Variants in FGGY observed in about 807,000 individuals in gnomAD.
FGGY encodes the protein FGGY carbohydrate kinase domain containing.
Under a neutral mutation model 71.3 loss-of-function variants are expected in FGGY, and 72 were observed. The ratio of observed to expected loss-of-function variants is 1.01; its 90% CI spans 0.84 to 1.23. The LOEUF is 1.23. Ranked by LOEUF, FGGY falls within the 50% of genes most tolerant of loss-of-function variation. The pLI is 0.00. For synonymous variants in FGGY, 251 were observed against 250.3 expected (o/e 1.00, Z -0.02); for missense variants, 668 against 682.3 (o/e 0.98, Z 0.23).
At chr1:59,690,752 T>A (rs1227502098) in intron 14 of FGGY, among the ~76,000 whole-genome samples, 1 of 152,230 alleles carries the variant, frequency 6.6e-6, no homozygotes, top group Non-Finnish European at 1.5e-5. Context: ...CTGTGACTAG[T>A]TACACAGAAA....
At chr1:59,314,275 A>T (rs12407897) in intron 1 of FGGY, among the ~76,000 whole-genome samples, 28,540 of 152,002 alleles carry the variant, frequency 0.19, 3,229 homozygotes, top group East Asian at 0.35. Context: ...TAATAAAAAA[A>T]TTTTTTTAAA....
chr1:59,698,016 CT>C (rs1190624645), intron 14 of FGGY, among the ~76,000 whole-genome samples: 2 of 151,946 alleles, frequency 1.3e-5, no homozygotes, highest in African/African-American at 2.4e-5. Flanking sequence ...AAAAGCATGT[CT>C]TTTTTTTCCT....
At chr1:59,466,813 C>G (rs1317174375) in intron 6 of FGGY, among the ~76,000 whole-genome samples, 1 of 152,188 alleles carries the variant, frequency 6.6e-6, no homozygotes, top group African/African-American at 2.4e-5. Context: ...GAGATACCAT[C>G]TCACACCAGT....
At chr1:59,704,568 C>T (rs2097738379) in intron 14 of FGGY, among the ~76,000 whole-genome samples, 1 of 151,962 alleles carries the variant, frequency 6.6e-6, no homozygotes, top group Admixed American at 6.6e-5. Context: ...AAAGAGATAA[C>T]TTTTTTTATC....
At position 59,643,493 on chromosome 1, in the gene FGGY, C is replaced by T. The variant is rs543811883; in HGVS notation, c.1221+5118C>T. 2.0e-5 allele frequency among the ~76,000 whole-genome samples: 3 copies of T among 152,190 alleles called. No individual in the cohort carries two copies. The South Asian group carries it at 6.2e-4, about 32-fold the overall frequency. On this transcript the variant is annotated intron_variant, in intron 11 of 15. Transcript: ENST00000303721. ...TATAGGCATGAAACACTGTTCCCAG[C>T]CAGAAATTTTGTTTCAAGGCATATC...
chr1:59,506,662 G>A (rs757514398), intron 6 of FGGY, among the ~76,000 whole-genome samples: 2 of 152,150 alleles, frequency 1.3e-5, no homozygotes, highest in Non-Finnish European at 2.9e-5. Context: ...AGCCAGCCGT[G>A]CTGGCGTGTG....
At chr1:59,608,995 A>G (rs1251898941) in intron 9 of FGGY, among the ~76,000 whole-genome samples, 1 of 152,226 alleles carries the variant, frequency 6.6e-6, no homozygotes, top group Non-Finnish European at 1.5e-5. Context: ...TAACAGAAGT[A>G]CACGGTACAG....
chr1:59,499,901 A>T (rs935674207), intron 6 of FGGY, among the ~76,000 whole-genome samples: 2 of 152,050 alleles, frequency 1.3e-5, no homozygotes, highest in African/African-American at 4.8e-5. Context: ...ACTCTCTTTT[A>T]TTCATGTATA....
At chr1:59,488,467 T>C (rs1163645856) in intron 6 of FGGY, among the ~76,000 whole-genome samples, 2 of 149,568 alleles carry the variant, frequency 1.3e-5, no homozygotes, top group Non-Finnish European at 3.0e-5. Flanking sequence ...GTATATTTTC[T>C]GTCTTTTTGA....
intron 5 of FGGY, among the ~76,000 whole-genome samples, chr1:59,410,513 G>A (rs780924605): frequency 2.6e-5 from 4 of 152,134 alleles, no homozygotes; most frequent in Non-Finnish European, 5.9e-5. Flanking sequence ...GTATCCCTGG[G>A]GGCACATGTG....
rs1270779503 is a variant in FGGY, at chr1:59,629,728, A to G, written c.1073+3679A>G. On this transcript the variant is annotated intron_variant, in intron 10 of 15. Transcript: ENST00000303721. ...AGCCAAAGAAAAGAGCACTAAATTT[A>G]TAGTCTGGAGACCTGAATCCAAATC... Among the ~76,000 whole-genome samples the G allele has an allele frequency of 3.9e-5, 6 of 152,228 alleles. No homozygotes were observed. In the South Asian group the frequency reaches 6.2e-4, roughly 16 times the overall value.
intron 1 of FGGY, among the ~76,000 whole-genome samples, chr1:59,300,238 A>G (rs1227028777): frequency 6.6e-6 from 1 of 152,230 alleles, no homozygotes; most frequent in Non-Finnish European, 1.5e-5. Context: ...GAACATACCT[A>G]ATAACCCCAA....
chr1:59,340,179 T>C (rs900723156), intron 3 of FGGY, 110 bp downstream of exon 3: 2 of 702,524 alleles, frequency 2.8e-6, no homozygotes, highest in African/African-American at 3.6e-5. Flanking sequence ...TAGTAAAATT[T>C]AGAGGTAGAG....
At chr1:59,587,148 C>T (rs549096915) in intron 8 of FGGY, among the ~76,000 whole-genome samples, 1 of 152,354 alleles carries the variant, frequency 6.6e-6, no homozygotes, top group African/African-American at 2.4e-5. Context: ...TTATATCCCG[C>T]ACCTGGCTTG....
intron 2 of FGGY, among the ~76,000 whole-genome samples, chr1:59,329,910 A>G (rs2048143202): frequency 6.6e-6 from 1 of 152,224 alleles, no homozygotes; most frequent in East Asian, 1.9e-4. Context: ...CAGATATAGC[A>G]CATTTTCATT....
chr1:59,488,601 A>G (rs974604766), intron 6 of FGGY, among the ~76,000 whole-genome samples: 1 of 149,426 alleles, frequency 6.7e-6, no homozygotes, highest in Non-Finnish European at 1.5e-5. Flanking sequence ...TGATATATTC[A>G]TACTATATAT....
In FGGY at chr1:59,313,042, A is replaced by C. The variant is rs182823151; in HGVS notation, c.-14-8494A>C. On this transcript the variant is annotated intron_variant, in intron 1 of 15. Transcript: ENST00000303721. ...ATAAGGATCCCCAAAACCCTGAAAA[A>C]TACTGAGTTTCTGACCTAGTTGGTC... Among the ~76,000 whole-genome samples the C allele has an allele frequency of 7.9e-5, 12 of 152,330 alleles. No homozygotes were observed. In the East Asian group the frequency reaches 2.1e-3, roughly 27 times the overall value.
intron 7 of FGGY, among the ~76,000 whole-genome samples, chr1:59,535,165 A>G (rs1343534393): frequency 6.6e-6 from 1 of 152,178 alleles, no homozygotes; most frequent in East Asian, 1.9e-4. Context: ...AAACAAAAAA[A>G]GGCAGGGGTT....
At chr1:59,442,927 C>T (rs1214140377) in intron 5 of FGGY, among the ~76,000 whole-genome samples, 1 of 152,162 alleles carries the variant, frequency 6.6e-6, no homozygotes, top group East Asian at 1.9e-4. Flanking sequence ...ATAAGATCTG[C>T]TAAATATTCT....
Sources: allele counts gnomAD v4.1 joint callset (sites outside exome capture counted in the v4.1 genomes callset), GRCh38; gene constraint gnomAD v4.1.1; transcripts MANE v1.5; gene names NCBI Gene and HGNC (gene_info 2026-07-23, HGNC 2026-07-21).